Variants in ARID2 observed in about 807,000 individuals in gnomAD.
ARID2 encodes the protein AT-rich interaction domain 2.
A neutral mutation model predicts 184.6 loss-of-function variants in ARID2; 32 were observed. The ratio of observed to expected loss-of-function variants is 0.17; its 90% CI spans 0.13 to 0.23. ARID2 has a LOEUF of 0.23. Among genes scored for constraint, ARID2 ranks in the 10% least tolerant of loss-of-function variants. The pLI, the probability that ARID2 is intolerant of heterozygous loss-of-function variation, is 1.00. For missense variants in ARID2, 1,696 were observed against 2,197.6 expected (o/e 0.77, Z 4.56); for synonymous variants, 836 against 772.6 (o/e 1.08, Z -1.36).
At chr12:45,776,490 G>A (rs1235589954) in intron 3 of ARID2, among the ~76,000 whole-genome samples, 1 of 152,108 alleles carries the variant, frequency 6.6e-6, no homozygotes, top group Non-Finnish European at 1.5e-5. Flanking sequence ...GTCAGGATAG[G>A]TGTTTATATA....
chr12:45,895,760 CCT>C, intron 20 of ARID2, among the ~76,000 whole-genome samples: 1 of 152,160 alleles, frequency 6.6e-6, no homozygotes, highest in Non-Finnish European at 1.5e-5. Flanking sequence ...GTCTTGAACT[CCT>C]GACCTCGTGA....
At chr12:45,871,990 A>G (rs1247901243) in intron 16 of ARID2, among the ~76,000 whole-genome samples, 5 of 151,820 alleles carry the variant, frequency 3.3e-5, no homozygotes, top group Non-Finnish European at 2.9e-5. Context: ...AATGATTTGT[A>G]TCTTCTGTTA....
At chr12:45,857,445 A>T (rs1392289666) in intron 15 of ARID2, among the ~76,000 whole-genome samples, 6 of 152,224 alleles carry the variant, frequency 3.9e-5, no homozygotes, top group Admixed American at 3.3e-4. Flanking sequence ...ATAGCACATT[A>T]TAAAACTAAG....
chr12:45,801,710 T>C (rs1354257795), intron 3 of ARID2, among the ~76,000 whole-genome samples: 10 of 152,018 alleles, frequency 6.6e-5, no homozygotes, highest in Admixed American at 3.3e-4. Context: ...CACCCTATAC[T>C]CTTGAAAGAT....
intron 16 of ARID2, chr12:45,874,165 A>C (rs987694759): frequency 2.0e-5 from 3 of 152,372 alleles, no homozygotes; most frequent in Non-Finnish European, 4.4e-5. Flanking sequence ...CGGCATCAGT[A>C]TGGTGACTTC....
At chr12:45,887,082 TTTGCTCAG>T (rs1324247146) in intron 16 of ARID2, among the ~76,000 whole-genome samples, 3 of 152,174 alleles carry the variant, frequency 2.0e-5, no homozygotes, top group African/African-American at 7.2e-5. Context: ...TATGTGAATA[TTTGCTCAG>T]TTGAACCAAA....
At chr12:45,876,827 C>T (rs1355066769) in intron 16 of ARID2, among the ~76,000 whole-genome samples, 4 of 149,606 alleles carry the variant, frequency 2.7e-5, no homozygotes, top group Non-Finnish European at 5.9e-5. Context: ...TGGTGGCTCA[C>T]GCCTGTAATC....
intron 3 of ARID2, among the ~76,000 whole-genome samples, chr12:45,776,675 C>T (rs988765269): frequency 5.3e-5 from 8 of 151,520 alleles, no homozygotes; most frequent in Admixed American, 4.6e-4. Flanking sequence ...CGAGGCTGGG[C>T]ATGGTGGATC....
chr12:45,811,073 G>C (rs1201070335), intron 3 of ARID2, among the ~76,000 whole-genome samples: 1 of 152,086 alleles, frequency 6.6e-6, no homozygotes, highest in Non-Finnish European at 1.5e-5. Flanking sequence ...GCCGGGTGTG[G>C]TGGCAGTCGC....
rs1446859871 is a variant in ARID2 at position 45,851,944 on chromosome 12, G to C, written c.3821G>C (p.Gly1274Ala). 1 of 1,612,966 alleles carries C rather than the reference G, an allele frequency of 6.2e-7. No individual in the cohort carries two copies. The highest frequency in any genetic ancestry group is 8.5e-7 in the Non-Finnish European group (1 of 1,179,518). ...EVMENPSCRR[G>A]ATNTSNGDTK... ...ATGGAGAACCCGTCCTGCCGACGAGGAGCCACAAACACCAGCAATGGGGAT... is the reference window on the plus strand; with the variant it reads ...ATGGAGAACCCGTCCTGCCGACGAGCAGCCACAAACACCAGCAATGGGGAT... Residue 1274 changes from glycine (G) to alanine (A), a missense_variant, in exon 15 of 21, where the codon GGA becomes GCA. Physicochemically the swap from Gly to Ala is moderately conservative, Grantham distance 60. Transcript: ENST00000334344.
intron 11 of ARID2, among the ~76,000 whole-genome samples, chr12:45,845,190 T>A (rs1049950127): frequency 6.6e-6 from 1 of 152,198 alleles, no homozygotes. Context: ...TGAAATTGAT[T>A]GCTAATTCAT....
chr12:45,817,056 A>G (rs1942815919), intron 4 of ARID2, among the ~76,000 whole-genome samples: 1 of 152,238 alleles, frequency 6.6e-6, no homozygotes, highest in Non-Finnish European at 1.5e-5. Flanking sequence ...TTGAAATGCA[A>G]TAGTAAGAAG....
chr12:45,873,613 TCAC>T (rs749123971), intron 16 of ARID2, among the ~76,000 whole-genome samples: 27 of 152,072 alleles, frequency 1.8e-4, no homozygotes, highest in African/African-American at 2.4e-5. Context: ...TGGTTCCAGA[TCAC>T]CACAAGAAGG....
At chr12:45,823,943 T>C (rs1396803839) in intron 6 of ARID2, among the ~76,000 whole-genome samples, 1 of 152,146 alleles carries the variant, frequency 6.6e-6, no homozygotes, top group Non-Finnish European at 1.5e-5. Flanking sequence ...TTGAGGCCAA[T>C]ACTACTCTGA....
chr12:45,857,870 C>T (rs1943677473), intron 15 of ARID2, among the ~76,000 whole-genome samples: 1 of 152,082 alleles, frequency 6.6e-6, no homozygotes, highest in Admixed American at 6.5e-5. Context: ...AGCAATCCTC[C>T]TTCTTCAGCC....
At chr12:45,860,744 A>C (rs1943729256) in intron 15 of ARID2, 57 bp from the exon 16 acceptor site, 10 of 1,372,614 alleles carry the variant, frequency 7.3e-6, no homozygotes, top group Non-Finnish European at 9.5e-6. Context: ...ACTATACTAT[A>C]AAATATGAAT....
At chr12:45,762,839 A>T (rs1041598735) in intron 3 of ARID2, among the ~76,000 whole-genome samples, 1 of 152,230 alleles carries the variant, frequency 6.6e-6, no homozygotes, top group African/African-American at 2.4e-5. Flanking sequence ...GGTTTTATGA[A>T]GAGATAAGAG....
At chr12:45,866,038 T>C (rs1172873047) in intron 16 of ARID2, among the ~76,000 whole-genome samples, 2 of 152,094 alleles carry the variant, frequency 1.3e-5, no homozygotes, top group Non-Finnish European at 2.9e-5. Flanking sequence ...CTTTTTCATA[T>C]ACAGCTATAC....
At chr12:45,884,411 CAAACA>C (rs201849408) in intron 16 of ARID2, among the ~76,000 whole-genome samples, 2,209 of 152,224 alleles carry the variant, frequency 0.015, 25 homozygotes, top group Non-Finnish European at 0.023. Flanking sequence ...AACAAACAAA[CAAACA>C]AAACATTGTT....
Sources: allele counts gnomAD v4.1 joint callset (sites outside exome capture counted in the v4.1 genomes callset), GRCh38; gene constraint gnomAD v4.1.1; transcripts MANE v1.5; gene names NCBI Gene and HGNC (gene_info 2026-07-23, HGNC 2026-07-21).